DGKI: variants seen among roughly 807,000 people sequenced by gnomAD.
DGKI encodes the protein diacylglycerol kinase iota.
Under a neutral mutation model 147.5 loss-of-function variants are expected in DGKI, and 55 were observed. The observed-to-expected ratio is 0.37, with a 90% CI of 0.30 to 0.47. The LOEUF (loss-of-function observed/expected upper bound fraction) is 0.47, where lower values mean the gene tolerates loss of function less well. DGKI is among the 20% of genes least tolerant of loss of function. DGKI has a pLI of 1.00. For synonymous variants in DGKI, 469 were observed against 477.1 expected (o/e 0.98, Z 0.22); for missense variants, 1,007 against 1,323.8 (o/e 0.76, Z 3.71).
chr7:137,427,442 A>G (rs1355927037), intron 28 of DGKI, among the ~76,000 whole-genome samples: 1 of 152,098 alleles, frequency 6.6e-6, no homozygotes, highest in Admixed American at 6.6e-5. Flanking sequence ...CCCACAAGAG[A>G]AAGCAGGAAA....
chr7:137,698,092 A>C (rs1823854727), intron 1 of DGKI, among the ~76,000 whole-genome samples: 1 of 150,590 alleles, frequency 6.6e-6, no homozygotes. Context: ...ATCTATATAG[A>C]GAGATATATA....
At chr7:137,472,681 A>G (rs1329077716) in intron 23 of DGKI, among the ~76,000 whole-genome samples, 1 of 151,768 alleles carries the variant, frequency 6.6e-6, no homozygotes, top group Non-Finnish European at 1.5e-5. Context: ...TGAAAAACAG[A>G]TAAAGCTACT....
chr7:137,494,000 G>C (rs1231899045), intron 21 of DGKI, among the ~76,000 whole-genome samples: 2 of 152,158 alleles, frequency 1.3e-5, no homozygotes, highest in Non-Finnish European at 2.9e-5. Flanking sequence ...TGAGATGCTA[G>C]AGCTAAAAAA....
rs537764288 is a variant in DGKI, at chr7:137,463,522, T to C, written c.2702A>G (p.Asp901Gly). ...GCGGGAGTGGCTGAGATCTTTCAGA[T>C]CTGAGTCCTCATAATAGGGAGCTAT... ...GMIAPYYEDS[D>G]LKDLSHSRVL... The change falls in exon 27 of 33, where the codon GAT becomes GGT. Residue 901 changes from aspartate (D) to glycine (G), a missense_variant. Around this residue, in one of 5 missense-constraint regions of DGKI, gnomAD observed 385 missense variants for 445.2 expected, o/e 0.86. Coordinates refer to ENST00000614521, the MANE Select transcript of DGKI (RefSeq NM_001321708.2). The C allele has an allele frequency of 2.8e-5, 45 of 1,614,174 alleles. No individual in the cohort carries two copies. The South Asian group carries it at 4.2e-4, about 15-fold the overall frequency.
intron 32 of DGKI, among the ~76,000 whole-genome samples, chr7:137,394,187 A>G (rs954752752): frequency 5.3e-5 from 8 of 152,168 alleles, no homozygotes; most frequent in African/African-American, 1.7e-4. Context: ...AAGCTTGTCC[A>G]ACCCACAGCC....
chr7:137,766,034 A>C (rs1796005250), intron 1 of DGKI, among the ~76,000 whole-genome samples: 1 of 152,228 alleles, frequency 6.6e-6, no homozygotes, highest in African/African-American at 2.4e-5. Flanking sequence ...TAAATGTCAG[A>C]TCTAGTTCCT....
intron 20 of DGKI, among the ~76,000 whole-genome samples, chr7:137,534,571 C>T (rs1044495590): frequency 6.6e-6 from 1 of 151,880 alleles, no homozygotes; most frequent in South Asian, 2.1e-4. Context: ...ATGTCAATCA[C>T]CTTATTGTAT....
chr7:137,612,709 G>C (rs1466405893), intron 8 of DGKI, among the ~76,000 whole-genome samples: 2 of 152,130 alleles, frequency 1.3e-5, no homozygotes, highest in Non-Finnish European at 2.9e-5. Flanking sequence ...AGAAGTTACT[G>C]TGTAGAATTT....
intron 1 of DGKI, among the ~76,000 whole-genome samples, chr7:137,743,526 A>C (rs534820269): frequency 6.6e-6 from 1 of 152,362 alleles, no homozygotes; most frequent in East Asian, 1.9e-4. Context: ...TTGCACATGA[A>C]TGACTTTTGG....
chr7:137,391,272 C>T lies in DGKI; in HGVS notation c.3122G>A (p.Ser1041Asn). ...GDPDLAAYLE[S>N]RQNYKVIGHE... The stretch of plus-strand genomic sequence containing the variant: ...GCCAATGACCTTATAGTTCTGACGG[C>T]TTTCTAGGTAAGCAGCCAAGTCTGG... Residue 1041 changes from serine (S) to asparagine (N), a missense_variant, in exon 33 of 33, where the codon AGC (serine) becomes AAC (asparagine). This residue lies in a region of DGKI where 385 missense variants were observed against 445.2 expected (regional missense o/e 0.86). Coordinates refer to ENST00000614521, the MANE Select transcript of DGKI (RefSeq NM_001321708.2). 6.2e-7 allele frequency: 1 copy of T among 1,613,632 alleles called. No homozygotes were observed. The highest frequency in any genetic ancestry group is 8.5e-7 in the Non-Finnish European group (1 of 1,179,858).
At chr7:137,609,732 C>A in intron 8 of DGKI, 123 bp from the exon 9 acceptor site, 1 of 660,610 alleles carries the variant, frequency 1.5e-6, no homozygotes, top group Non-Finnish European at 2.6e-6. Flanking sequence ...CATGCTTTCA[C>A]ACTTCCAAGC....
At chr7:137,643,299 A>G (rs1370571864) in intron 6 of DGKI, among the ~76,000 whole-genome samples, 1 of 150,068 alleles carries the variant, frequency 6.7e-6, no homozygotes, top group East Asian at 1.9e-4. Flanking sequence ...TCAAAAAAAA[A>G]AAAAAAAAAA....
At chr7:137,543,727 C>T (rs1192916637) in intron 20 of DGKI, among the ~76,000 whole-genome samples, 1 of 152,116 alleles carries the variant, frequency 6.6e-6, no homozygotes, top group Non-Finnish European at 1.5e-5. Context: ...TCTCACTTAA[C>T]GATACTGGGG....
At chr7:137,496,976 G>A (rs529095073) in intron 21 of DGKI, among the ~76,000 whole-genome samples, 3 of 151,940 alleles carry the variant, frequency 2.0e-5, no homozygotes, top group South Asian at 2.1e-4. Flanking sequence ...TTAAACTGAA[G>A]AGCTTCTGCA....
At chr7:137,748,069 C>T (rs1795396423) in intron 1 of DGKI, among the ~76,000 whole-genome samples, 1 of 152,132 alleles carries the variant, frequency 6.6e-6, no homozygotes, top group African/African-American at 2.4e-5. Context: ...TCAGGCTCTT[C>T]TGACTCTAGT....
intron 21 of DGKI, among the ~76,000 whole-genome samples, chr7:137,513,161 A>G (rs1816634022): frequency 6.6e-6 from 1 of 152,156 alleles, no homozygotes; most frequent in Non-Finnish European, 1.5e-5. Flanking sequence ...CTGAGAAAAT[A>G]AAAGCAATCA....
chr7:137,773,079 C>T (rs1297538447), intron 1 of DGKI, among the ~76,000 whole-genome samples: 3 of 152,214 alleles, frequency 2.0e-5, no homozygotes, highest in Non-Finnish European at 4.4e-5. Flanking sequence ...AGAAGGGACC[C>T]ATGGGTCAAT....
intron 7 of DGKI, among the ~76,000 whole-genome samples, chr7:137,621,886 G>A (rs1483662317): frequency 6.6e-6 from 1 of 152,194 alleles, no homozygotes; most frequent in African/African-American, 2.4e-5. Context: ...TGCCCAGAAG[G>A]CTGCCCCACC....
At chr7:137,517,288 AAAGAAAGAAAGAAAGAAAGAAAGAAAG>A (rs1816792308) in intron 21 of DGKI, among the ~76,000 whole-genome samples, 1 of 102,868 alleles carries the variant, frequency 9.7e-6, no homozygotes, top group East Asian at 2.6e-4. Flanking sequence ...AAAAAGAAAG[AAAGAAAGAAAGAAAGAAAGAAAGAAAG>A]AAAGAAAGAA....
Sources: gnomAD v4.1 joint callset for allele counts (sites outside exome capture counted in the v4.1 genomes callset) on GRCh38, gnomAD v4.1.1 for gene constraint, gnomAD v4.1.1 regional missense constraint, MANE v1.5 for transcripts, NCBI Gene and HGNC (gene_info 2026-07-23, HGNC 2026-07-21) for gene names.